The following DENND6A variants were observed in gnomAD, a reference collection of about 807,000 sequenced individuals.
DENND6A encodes the protein protein DENND6A.
Under a neutral mutation model 95.5 loss-of-function variants are expected in DENND6A, and 43 were observed. The observed-to-expected ratio is 0.45, with a 90% confidence interval of 0.35 to 0.58. The LOEUF (loss-of-function observed/expected upper bound fraction) is 0.58, where lower values mean the gene tolerates loss of function less well. Ranked by LOEUF, DENND6A falls within the 20% of genes least tolerant of loss-of-function variation. The pLI, the probability that DENND6A is intolerant of heterozygous loss-of-function variation, is 0.00. For synonymous variants in DENND6A, 257 were observed against 260.4 expected (o/e 0.99, Z 0.13); for missense variants, 574 against 736.0 (o/e 0.78, Z 2.55).
At chr3:57,678,315 C>T (rs192862875) in intron 1 of DENND6A, among the ~76,000 whole-genome samples, 1 of 152,326 alleles carries the variant, frequency 6.6e-6, no homozygotes, top group East Asian at 1.9e-4. Context: ...CTACTATTTT[C>T]TTCTGAGAAA....
chr3:57,660,734 G>A, intron 7 of DENND6A, 26 bp downstream of exon 7: 1 of 1,559,952 alleles, frequency 6.4e-7, no homozygotes. Flanking sequence ...AAATAAAAAG[G>A]AGACAATTGA....
chr3:57,671,266 T>C (rs2153416353), intron 3 of DENND6A, among the ~76,000 whole-genome samples: 1 of 152,338 alleles, frequency 6.6e-6, no homozygotes, highest in Middle Eastern at 3.4e-3. Context: ...GGCTCACGCC[T>C]GTAATCCCAG....
chr3:57,634,779 G>A lies in DENND6A; in HGVS notation c.1133-10C>T. ...TGCTTAGGAATTTCACCTGAAGGAA[G>A]CAGCATAAAGATTTTTATAATTATT... On this transcript the variant is annotated splice_polypyrimidine_tract_variant and intron_variant, in intron 12 of 19. Transcript: ENST00000311128. The A allele has an allele frequency of 1.9e-6, 3 of 1,540,448 alleles. No individual in the cohort carries two copies. The highest frequency in any genetic ancestry group is 2.3e-5 in the East Asian group (1 of 43,206).
At chr3:57,691,563 C>T (rs1011708524) in intron 1 of DENND6A, among the ~76,000 whole-genome samples, 6 of 150,332 alleles carry the variant, frequency 4.0e-5, no homozygotes, top group African/African-American at 9.8e-5. Flanking sequence ...GAAGGCAGGC[C>T]GAATACGAAA....
intron 11 of DENND6A, among the ~76,000 whole-genome samples, chr3:57,643,864 T>G (rs995008749): frequency 6.8e-6 from 1 of 148,034 alleles, no homozygotes; most frequent in Admixed American, 6.7e-5. Flanking sequence ...TAATTATCAG[T>G]CTGGGCCAGG....
At chr3:57,687,356 G>A (rs1191738181) in intron 1 of DENND6A, among the ~76,000 whole-genome samples, 1 of 152,190 alleles carries the variant, frequency 6.6e-6, no homozygotes, top group Admixed American at 6.5e-5. Flanking sequence ...TTACGGCTGA[G>A]AGAGGTGATG....
intron 9 of DENND6A, among the ~76,000 whole-genome samples, chr3:57,647,535 G>A (rs1018275071): frequency 6.6e-5 from 10 of 152,124 alleles, no homozygotes; most frequent in East Asian, 1.9e-4. Context: ...CATGTGTGGG[G>A]ATTATTTGGT....
intron 4 of DENND6A, among the ~76,000 whole-genome samples, chr3:57,664,650 T>C (rs1161636408): frequency 6.6e-6 from 1 of 152,036 alleles, no homozygotes; most frequent in Non-Finnish European, 1.5e-5. Context: ...CTGGCCAACA[T>C]GGTGAATCCC....
chr3:57,653,502 T>C (rs1415677504), intron 9 of DENND6A, among the ~76,000 whole-genome samples: 1 of 151,938 alleles, frequency 6.6e-6, no homozygotes, highest in African/African-American at 2.4e-5. Context: ...TCCCAGCACT[T>C]TGGGAGGCTG....
intron 14 of DENND6A, among the ~76,000 whole-genome samples, chr3:57,634,208 G>A (rs944871546): frequency 1.3e-5 from 2 of 151,966 alleles, no homozygotes; most frequent in African/African-American, 2.4e-5. Flanking sequence ...CGAGGTGGGC[G>A]TATCACTTAA....
Position 57,665,817 on chromosome 3 carries a change from G to A in DENND6A, c.432+306C>T, listed in dbSNP as rs73086469. On this transcript the variant is annotated intron_variant, in intron 4 of 19. Transcript: ENST00000311128. ...ACCTCAACTCTAGATGATAGTTACT[G>A]TACAGTACAACTCCACTCCCACATC... 9.3e-3 allele frequency: 2,058 copies of A among 220,864 alleles called. 18 individuals carry two copies. The highest frequency in any genetic ancestry group is 0.042 in the South Asian group (437 of 10,380). 13.7% of individuals were successfully genotyped at this position (220,864 alleles called of 1,614,324 possible).
At chr3:57,629,119 T>A (rs532997401) in intron 18 of DENND6A, among the ~76,000 whole-genome samples, 1 of 152,224 alleles carries the variant, frequency 6.6e-6, no homozygotes. Flanking sequence ...AAACAAAATG[T>A]ACTGAGGTGG....
At chr3:57,642,530 C>T (rs1448814672) in intron 11 of DENND6A, among the ~76,000 whole-genome samples, 3 of 151,936 alleles carry the variant, frequency 2.0e-5, no homozygotes, top group Admixed American at 6.6e-5. Context: ...TAGAACTACA[C>T]AGAGTTTAGC....
chr3:57,677,874 C>T (rs779059353), intron 1 of DENND6A, among the ~76,000 whole-genome samples: 3 of 152,122 alleles, frequency 2.0e-5, no homozygotes, highest in African/African-American at 7.2e-5. Flanking sequence ...ACTCTTTCCC[C>T]TATCAGCTGG....
At chr3:57,631,228 G>A (rs116142916) in intron 15 of DENND6A, 11,673 of 410,870 alleles carry the variant, frequency 0.028, 221 homozygotes, top group Middle Eastern at 0.042. Flanking sequence ...ACAGAGCCTT[G>A]TTCTGTTGCG....
At chr3:57,668,624 C>T (rs2071564067) in intron 3 of DENND6A, among the ~76,000 whole-genome samples, 1 of 152,006 alleles carries the variant, frequency 6.6e-6, no homozygotes, top group East Asian at 1.9e-4. Flanking sequence ...CCAAACAAAG[C>T]TTTTTTAAAG....
Position 57,641,753 on chromosome 3 carries a change from AAAAAC to A in DENND6A, c.1038-11_1038-7del. The A allele has an allele frequency of 6.2e-7, 1 of 1,608,780 alleles. No individual in the cohort carries two copies. Among genetic ancestry groups the A allele is most frequent in the Non-Finnish European group, 8.5e-7 (1 of 1,177,108 alleles). On this transcript the variant is annotated splice_region_variant and splice_polypyrimidine_tract_variant and intron_variant, in intron 11 of 19. Coordinates refer to ENST00000311128, the MANE Select transcript of DENND6A (RefSeq NM_152678.3). ...CTCCTAATATAACTGAGGGCCTATA[AAAAAC>A]AAAACAAAACAAAATAAAAAAGGTG...
At chr3:57,664,627 G>A (rs1411338759) in intron 4 of DENND6A, among the ~76,000 whole-genome samples, 1 of 152,134 alleles carries the variant, frequency 6.6e-6, no homozygotes. Context: ...GAGGTCAGGA[G>A]ATCAAGACCA....
chr3:57,661,597 C>T, intron 5 of DENND6A, 46 bp from the exon 6 acceptor site: 1 of 1,410,254 alleles, frequency 7.1e-7, no homozygotes, highest in Non-Finnish European at 9.6e-7. Context: ...CTTTGTCATT[C>T]ATTTCTTGCA....
Sources: gnomAD v4.1 joint callset for allele counts (sites outside exome capture counted in the v4.1 genomes callset) on GRCh38, gnomAD v4.1.1 for gene constraint, MANE v1.5 for transcripts, NCBI Gene and HGNC (gene_info 2026-07-23, HGNC 2026-07-21) for gene names.